TTLL11: variants seen among roughly 807,000 people sequenced by gnomAD.
The protein encoded by TTLL11 is tubulin polyglutamylase TTLL11.
A neutral mutation model predicts 51.7 loss-of-function variants in TTLL11; 42 were observed. That is an observed-to-expected ratio of 0.81 (90% CI 0.64 to 1.05). The LOEUF is 1.05. TTLL11 is among the 50% of genes least tolerant of loss of function. The pLI is 0.00. For missense variants in TTLL11, 799 were observed against 940.4 expected (o/e 0.85, Z 1.97); for synonymous variants, 381 against 383.5 (o/e 0.99, Z 0.08).
At chr9:121,952,783 TG>T (rs1231749983) in intron 6 of TTLL11, among the ~76,000 whole-genome samples, 1 of 152,174 alleles carries the variant, frequency 6.6e-6, no homozygotes, top group Non-Finnish European at 1.5e-5. Context: ...CAAACCTGCC[TG>T]GGGTTGCAGG....
At chr9:121,882,073 A>C (rs1291875220) in intron 6 of TTLL11, among the ~76,000 whole-genome samples, 2 of 152,228 alleles carry the variant, frequency 1.3e-5, no homozygotes, top group African/African-American at 2.4e-5. Flanking sequence ...ATTCAGAGCC[A>C]TACCTGGAAC....
At chr9:121,866,035 G>A (rs1167896768) in intron 7 of TTLL11, among the ~76,000 whole-genome samples, 1 of 152,216 alleles carries the variant, frequency 6.6e-6, no homozygotes, top group African/African-American at 2.4e-5. Context: ...GAGAGAGAGA[G>A]TGGGTAGAAC....
At chr9:122,003,403 A>C (rs1184439832) in intron 3 of TTLL11, among the ~76,000 whole-genome samples, 2 of 151,674 alleles carry the variant, frequency 1.3e-5, no homozygotes, top group Admixed American at 1.3e-4. Context: ...TAGTCAATAT[A>C]TATTATAACA....
chr9:122,050,351 G>A (rs1354205648), intron 1 of TTLL11, among the ~76,000 whole-genome samples: 2 of 152,100 alleles, frequency 1.3e-5, no homozygotes, highest in East Asian at 1.9e-4. Flanking sequence ...AGGACACTGC[G>A]GTGTGCGTGC....
At chr9:122,033,362 C>G (rs190733261) in intron 2 of TTLL11, among the ~76,000 whole-genome samples, 4 of 152,172 alleles carry the variant, frequency 2.6e-5, no homozygotes, top group East Asian at 1.9e-4. Context: ...ATCCACCCCC[C>G]TCGGCCTCCC....
At chr9:121,925,685 T>A (rs1372863577) in intron 6 of TTLL11, among the ~76,000 whole-genome samples, 3 of 152,156 alleles carry the variant, frequency 2.0e-5, no homozygotes, top group Non-Finnish European at 4.4e-5. Context: ...CCCGCAGCTG[T>A]CTCCTGGCTG....
intron 4 of TTLL11, among the ~76,000 whole-genome samples, chr9:121,977,668 T>G (rs1049233146): frequency 2.7e-5 from 3 of 111,744 alleles, no homozygotes; most frequent in African/African-American, 9.6e-5. Flanking sequence ...TATTTTTAAT[T>G]TAATTTAATT....
intron 3 of TTLL11, among the ~76,000 whole-genome samples, chr9:122,018,819 C>A (rs191792513): frequency 6.6e-6 from 1 of 152,324 alleles, no homozygotes; most frequent in African/African-American, 2.4e-5. Context: ...CAGCATCAAT[C>A]AAATGGGCTT....
rs574501416 is a variant in TTLL11, at chr9:122,050,300, AC to A, written c.463-10933del. The stretch of plus-strand genomic sequence containing the variant: ...ACAAGTAACTTCAATTTAAAAAGAC[AC>A]CAACCAAATATCGCGTGTCATTAGG... On this transcript the variant is annotated intron_variant, in intron 1 of 8. Transcript: ENST00000321582. Among the ~76,000 whole-genome samples the A allele has an allele frequency of 4.3e-3, 655 of 152,300 alleles. 20 individuals carry two copies. The highest frequency in any genetic ancestry group is 7.2e-4 in the Non-Finnish European group (49 of 68,026).
intron 6 of TTLL11, among the ~76,000 whole-genome samples, chr9:121,872,612 C>G (rs939039731): frequency 6.6e-6 from 1 of 152,216 alleles, no homozygotes; most frequent in Admixed American, 6.5e-5. Flanking sequence ...ACGAACGGTC[C>G]TCTCTTCATC....
chr9:121,862,270 C>A (rs532383816), intron 7 of TTLL11, among the ~76,000 whole-genome samples: 1 of 151,902 alleles, frequency 6.6e-6, no homozygotes, highest in South Asian at 2.1e-4. Context: ...GGATTTAAAT[C>A]CTGACTGGAA....
chr9:122,037,798 T>C (rs1431915088), intron 2 of TTLL11, among the ~76,000 whole-genome samples: 58 of 152,308 alleles, frequency 3.8e-4, no homozygotes, highest in Admixed American at 3.7e-3. Flanking sequence ...CAGCAAGCCG[T>C]GTTTCCTGCC....
intron 6 of TTLL11, among the ~76,000 whole-genome samples, chr9:121,888,594 G>GA (rs1564289358): frequency 6.6e-6 from 1 of 152,216 alleles, no homozygotes. Flanking sequence ...AGACTTGGCT[G>GA]AATCAGTCCC....
chr9:121,915,851 G>A (rs1414496637), intron 6 of TTLL11, among the ~76,000 whole-genome samples: 3 of 152,014 alleles, frequency 2.0e-5, no homozygotes, highest in African/African-American at 7.3e-5. Flanking sequence ...TATACAAGCA[G>A]CAGTTGGCCC....
intron 2 of TTLL11, among the ~76,000 whole-genome samples, chr9:122,033,171 G>T (rs1411020067): frequency 6.6e-6 from 1 of 152,122 alleles, no homozygotes; most frequent in Admixed American, 6.5e-5. Flanking sequence ...GGAGTGCAAT[G>T]GCACGATCTT....
At chr9:121,848,211 G>GAA (rs765852047) in intron 8 of TTLL11, among the ~76,000 whole-genome samples, 5 of 143,574 alleles carry the variant, frequency 3.5e-5, no homozygotes, top group African/African-American at 1.3e-4. Flanking sequence ...TATCGCTAAG[G>GAA]AAAAAAAAAG....
At chr9:121,885,646 GA>G (rs1210169453) in intron 6 of TTLL11, 1 of 152,254 alleles carries the variant, frequency 6.6e-6, no homozygotes, top group Non-Finnish European at 1.5e-5. Context: ...GCCGGCTTAT[GA>G]TTCTGGATTG....
At chr9:121,946,769 C>T (rs1367702162) in intron 6 of TTLL11, among the ~76,000 whole-genome samples, 3 of 152,118 alleles carry the variant, frequency 2.0e-5, no homozygotes, top group Non-Finnish European at 4.4e-5. Flanking sequence ...TGTTCAGGCT[C>T]CACCCCCAGA....
At chr9:122,040,079 C>T (rs1844808686) in intron 1 of TTLL11, among the ~76,000 whole-genome samples, 1 of 152,180 alleles carries the variant, frequency 6.6e-6, no homozygotes, top group Non-Finnish European at 1.5e-5. Flanking sequence ...AGATGCCAGG[C>T]AGCCTCTGCT....
Sources: allele counts gnomAD v4.1 joint callset (sites outside exome capture counted in the v4.1 genomes callset), GRCh38; gene constraint gnomAD v4.1.1; transcripts MANE v1.5; gene names NCBI Gene and HGNC (gene_info 2026-07-23, HGNC 2026-07-21).